PCDHGA4: variants seen among roughly 807,000 people sequenced by gnomAD.
PCDHGA4 encodes the protein protocadherin gamma-A4.
A neutral mutation model predicts 54.6 loss-of-function variants in PCDHGA4; 38 were observed. The observed-to-expected ratio is 0.70, with a 90% CI of 0.54 to 0.91. The LOEUF is 0.91. PCDHGA4 is among the 40% of genes least tolerant of loss of function. PCDHGA4 has a pLI of 0.00. For synonymous variants in PCDHGA4, 511 were observed against 512.9 expected (o/e 1.00, Z 0.05); for missense variants, 1,298 against 1,220.9 (o/e 1.06, Z -0.94).
intron 1 of PCDHGA4, chr5:141,409,987 C>T: frequency 3.1e-6 from 5 of 1,613,288 alleles, no homozygotes; most frequent in Non-Finnish European, 4.2e-6. Context: ...TAGCGGTGGA[C>T]GCCGACTCGG....
chr5:141,365,483 T>A (rs750405300), intron 1 of PCDHGA4: 2 of 1,614,018 alleles, frequency 1.2e-6, no homozygotes, highest in Non-Finnish European at 1.7e-6. Context: ...GATTGCATGC[T>A]CTATTCCTAG....
chr5:141,422,616 C>T, intron 1 of PCDHGA4: 1 of 1,613,714 alleles, frequency 6.2e-7, no homozygotes. Flanking sequence ...CCTACATTCC[C>T]GAAAACAACC....
rs779065098 is a variant in PCDHGA4, at chr5:141,491,758, C to G, written c.2515-3049C>G. The G allele has an allele frequency of 1.9e-6, 3 of 1,578,788 alleles. No individual in the cohort carries two copies. The highest frequency in any genetic ancestry group is 1.7e-4 in the Middle Eastern group (1 of 5,954). ...TGGGGGCGGCACTGGAGAAGCCGCCCGTCCTCATAAGGGATTGAACTTGCA... is the reference window on the plus strand; with the variant it reads ...TGGGGGCGGCACTGGAGAAGCCGCCGGTCCTCATAAGGGATTGAACTTGCA... On this transcript the variant is annotated intron_variant, in intron 1 of 3. Transcript: ENST00000571252. This position sits in a 1 kb window ranked among gnomAD's most constrained non-coding sequence, Gnocchi z 6.9.
chr5:141,410,719 A>G, intron 1 of PCDHGA4: 3 of 1,407,980 alleles, frequency 2.1e-6, no homozygotes, highest in Non-Finnish European at 2.9e-6. Context: ...TCATATGTTT[A>G]AAATCCATAG....
intron 1 of PCDHGA4, among the ~76,000 whole-genome samples, chr5:141,492,103 T>G (rs1458656062): frequency 6.6e-6 from 1 of 152,134 alleles, no homozygotes; most frequent in Non-Finnish European, 1.5e-5. Flanking sequence ...GTCTGTAGAT[T>G]TCCTCTTCGA....
chr5:141,502,084 G>A (rs1438350526), intron 2 of PCDHGA4, among the ~76,000 whole-genome samples: 1 of 152,154 alleles, frequency 6.6e-6, no homozygotes, highest in African/African-American at 2.4e-5. Context: ...CTGGGGCTGA[G>A]AACACCTGGC....
chr5:141,399,605 A>G, intron 1 of PCDHGA4: 1 of 1,613,968 alleles, frequency 6.2e-7, no homozygotes, highest in Non-Finnish European at 8.5e-7. Context: ...AGCGACCTAG[A>G]GCCTCTGGCA....
At chr5:141,463,075 A>G (rs943294678) in intron 1 of PCDHGA4, among the ~76,000 whole-genome samples, 3 of 152,180 alleles carry the variant, frequency 2.0e-5, no homozygotes, top group East Asian at 1.9e-4. Context: ...ATGAAATTCA[A>G]ACATTTTCCA....
At chr5:141,404,347 C>T (rs1451476815) in intron 1 of PCDHGA4, 6 of 1,613,796 alleles carry the variant, frequency 3.7e-6, no homozygotes, top group African/African-American at 2.7e-5. Context: ...CGGAAAACAA[C>T]GCCAGAGGTA....
chr5:141,409,018 G>A (rs369210340), intron 1 of PCDHGA4: 31 of 1,613,814 alleles, frequency 1.9e-5, no homozygotes, highest in Non-Finnish European at 2.5e-5. Context: ...AGGATGAGGG[G>A]GTCAATGCTG....
chr5:141,459,545 T>G (rs534173050), intron 1 of PCDHGA4, among the ~76,000 whole-genome samples: 81 of 152,348 alleles, frequency 5.3e-4, no homozygotes, highest in South Asian at 1.0e-3. Context: ...TTTTTTTATT[T>G]CTCTTGGATA....
intron 1 of PCDHGA4, chr5:141,427,536 G>A (rs758610182): frequency 4.8e-6 from 3 of 626,396 alleles, no homozygotes; most frequent in Middle Eastern, 2.5e-4. Flanking sequence ...GGAGTACAAC[G>A]TCACCATCAC....
chr5:141,372,601 T>C, intron 1 of PCDHGA4: 1 of 1,614,028 alleles, frequency 6.2e-7, no homozygotes, highest in Non-Finnish European at 8.5e-7. Context: ...TTCAAGACTG[T>C]ACCTGGAGTT....
chr5:141,508,535 C>A (rs1294413041), intron 3 of PCDHGA4, among the ~76,000 whole-genome samples: 1 of 152,172 alleles, frequency 6.6e-6, no homozygotes, highest in Non-Finnish European at 1.5e-5. Context: ...GGGCACCCCC[C>A]ACGAGGTGGG....
chr5:141,475,870 C>CAGTT, intron 1 of PCDHGA4: 1 of 511,190 alleles, frequency 2.0e-6, no homozygotes, highest in East Asian at 3.3e-5. Context: ...ATTCTTCGTG[C>CAGTT]AGTTATTGGC....
chr5:141,478,532 G>T, intron 1 of PCDHGA4: 1 of 1,607,858 alleles, frequency 6.2e-7, no homozygotes, highest in East Asian at 2.2e-5. Flanking sequence ...TGCAGAGAGC[G>T]CCCCTCCCGG....
Position 141,419,080 on chromosome 5 carries a change from T to G in PCDHGA4, c.2514+61459T>G, listed in dbSNP as rs1286490083. The G allele has an allele frequency of 3.1e-6, 5 of 1,613,842 alleles. No individual in the cohort carries two copies. The South Asian group carries it at 5.5e-5, about 18-fold the overall frequency. On this transcript the variant is annotated intron_variant, in intron 1 of 3. Transcript: ENST00000571252. ...ATAATTACTACAAGCTAGTAACAGA[T>G]GAGGCCCTGGATCGGGAGCAGACCC... is the stretch of plus-strand genomic sequence containing the variant.
intron 1 of PCDHGA4, chr5:141,441,470 C>G (rs1170727138): frequency 5.9e-6 from 1 of 168,868 alleles, no homozygotes; most frequent in East Asian, 1.9e-4. Context: ...ATTGGCGATG[C>G]CAACGACAAT....
chr5:141,427,046 C>G (rs916723344), intron 1 of PCDHGA4: 2 of 457,362 alleles, frequency 4.4e-6, no homozygotes, highest in Admixed American at 4.7e-5. Context: ...AGAATGTGCC[C>G]CCAGGCACCT....
Sources: allele counts gnomAD v4.1 joint callset (sites outside exome capture counted in the v4.1 genomes callset), GRCh38; gene constraint gnomAD v4.1.1; non-coding constraint Gnocchi (gnomAD v3.1); transcripts MANE v1.5; gene names NCBI Gene and HGNC (gene_info 2026-07-23, HGNC 2026-07-21).